Variants in STXBP4 observed in about 807,000 individuals in gnomAD.
STXBP4 encodes syntaxin-binding protein 4.
STXBP4 carries 55 observed loss-of-function variants against 76.1 expected under a neutral mutation model. That is an observed-to-expected ratio of 0.72 (90% CI 0.58 to 0.91). The LOEUF is 0.91. Among genes scored for constraint, STXBP4 ranks in the 40% least tolerant of loss-of-function variants. STXBP4 has a pLI of 0.00. For synonymous variants in STXBP4, 201 were observed against 220.2 expected, an observed-to-expected ratio of 0.91 and a Z score of 0.77; for missense variants, 618 against 636.9, an observed-to-expected ratio of 0.97 and a Z score of 0.32.
chr17:55,094,785 C>T (rs894110277), intron 16 of STXBP4, among the ~76,000 whole-genome samples: 1 of 152,108 alleles, frequency 6.6e-6, no homozygotes, highest in African/African-American at 2.4e-5. Context: ...TACATAGCAG[C>T]AATCTACTAA....
chr17:55,210,160 C>T, the STXBP4 span, among the ~76,000 whole-genome samples: 1 of 152,224 alleles, frequency 6.6e-6, no homozygotes, highest in African/African-American at 2.4e-5. Context: ...GGAATATTCA[C>T]TTGTTCCCAA....
intron 16 of STXBP4, among the ~76,000 whole-genome samples, chr17:55,123,709 G>A (rs1167630905): frequency 6.6e-6 from 1 of 151,920 alleles, no homozygotes; most frequent in Non-Finnish European, 1.5e-5. Context: ...GACCATCCTG[G>A]CTAAGACAGT....
Position 54,986,244 on chromosome 17 carries a change from G to A in STXBP4, c.25G>A (p.Val9Ile). The change falls in exon 3 of 18, where the codon GTA becomes ATA. Residue 9 changes from valine (V) to isoleucine (I), a missense_variant. By Grantham distance (29) the Val-to-Ile change is conservative. Transcript: ENST00000376352. MNKNTSTV[V>I]SPSLLEKDPA... ...CATGAATAAAAATACATCTACTGTA[G>A]TATCACCCAGTCTACTTGAAAAGTA... 1 of 1,601,578 alleles carries A rather than the reference G, an allele frequency of 6.2e-7. No individual in the cohort carries two copies. Among genetic ancestry groups the A allele is most frequent in the Non-Finnish European group, 8.5e-7 (1 of 1,174,310 alleles).
intron 10 of STXBP4, among the ~76,000 whole-genome samples, chr17:55,035,678 A>T (rs1486904994): frequency 6.6e-6 from 1 of 151,918 alleles, no homozygotes; most frequent in Non-Finnish European, 1.5e-5. Flanking sequence ...ACTTTTGATC[A>T]ATCATTTTTA....
intron 4 of STXBP4, among the ~76,000 whole-genome samples, chr17:54,998,125 T>A (rs942986728): frequency 1.3e-5 from 2 of 152,182 alleles, no homozygotes. Flanking sequence ...TAATAATACC[T>A]GTTGTTATTT....
At chr17:55,047,630 C>T (rs926508399) in intron 12 of STXBP4, among the ~76,000 whole-genome samples, 7 of 151,714 alleles carry the variant, frequency 4.6e-5, no homozygotes, top group African/African-American at 1.7e-4. Flanking sequence ...TTTGAGGTAG[C>T]TCACTATAAA....
intron 11 of STXBP4, chr17:55,043,782 C>A: frequency 1.4e-6 from 1 of 729,996 alleles, no homozygotes; most frequent in African/African-American, 1.8e-5. Context: ...GAAAAAAACA[C>A]ACATATCCCA....
chr17:55,126,236 C>G (rs1342816483), intron 16 of STXBP4, among the ~76,000 whole-genome samples: 1 of 152,050 alleles, frequency 6.6e-6, no homozygotes, highest in Non-Finnish European at 1.5e-5. Context: ...AACTCATTCT[C>G]AAGAGAAAAG....
chr17:55,110,996 G>A (rs1277269358), intron 16 of STXBP4, among the ~76,000 whole-genome samples: 1 of 152,202 alleles, frequency 6.6e-6, no homozygotes, highest in Non-Finnish European at 1.5e-5. Flanking sequence ...GCACTAGGGT[G>A]TAAGGTAAAG....
chr17:55,056,488 T>C (rs1399247271), intron 12 of STXBP4, among the ~76,000 whole-genome samples: 2 of 152,218 alleles, frequency 1.3e-5, no homozygotes, highest in Non-Finnish European at 2.9e-5. Context: ...TTTCTTTTAA[T>C]GTTTACATCC....
chr17:55,021,062 A>G (rs190567287), intron 8 of STXBP4, among the ~76,000 whole-genome samples: 1 of 152,200 alleles, frequency 6.6e-6, no homozygotes, highest in East Asian at 1.9e-4. Flanking sequence ...CCCAGACCTA[A>G]GGAAGACATA....
chr17:55,054,011 A>T (rs2078893606), intron 12 of STXBP4, among the ~76,000 whole-genome samples: 1 of 152,160 alleles, frequency 6.6e-6, no homozygotes, highest in Non-Finnish European at 1.5e-5. Flanking sequence ...TTCTAGCAGT[A>T]CCTACTTTTT....
In STXBP4 at chr17:55,159,172, G is replaced by T. The variant is rs150789411; in HGVS notation, c.1548-625G>T. On this transcript the variant is annotated intron_variant, in intron 17 of 17. Transcript: ENST00000376352. ...AGGCACGAGAATTCCTTGAACCCCA[G>T]GGGACAGAGGTTACAGTGATCTGAG... is the stretch of plus-strand genomic sequence containing the variant. 4.5e-3 allele frequency among the ~76,000 whole-genome samples: 690 copies of T among 152,298 alleles called. 6 individuals carry two copies. Among genetic ancestry groups the T allele is most frequent in the African/African-American group, 0.016 (653 of 41,574 alleles).
rs1598363339 is a variant in STXBP4 at position 55,171,055 on chromosome 17, T to G, written c.*11144T>G. Reference sequence around the variant, plus strand: ...TTTATCTTGCCATTGTCAAAGATCCTGGACCTATTTTTTTCTGCCTTGAAA... The same window carrying G: ...TTTATCTTGCCATTGTCAAAGATCCGGGACCTATTTTTTTCTGCCTTGAAA... On this transcript the variant is annotated 3_prime_UTR_variant, in exon 18 of 18. Transcript: ENST00000376352. 6.6e-6 allele frequency: 1 copy of G among 152,234 alleles called. No homozygotes were observed. The highest frequency in any genetic ancestry group is 1.5e-5 in the Non-Finnish European group (1 of 68,042). 9.4% of individuals were successfully genotyped at this position (152,234 alleles called of 1,614,324 possible). A position where few individuals can be genotyped will look rare whatever the true frequency, so the allele number is the denominator to read the frequency against.
chr17:55,193,665 C>T, the STXBP4 span, among the ~76,000 whole-genome samples: 1 of 151,814 alleles, frequency 6.6e-6, no homozygotes, highest in Admixed American at 6.6e-5. Flanking sequence ...CAAAACAAAA[C>T]AAAAACCCCT....
chr17:55,198,325 T>G, the STXBP4 span, among the ~76,000 whole-genome samples: 1 of 152,202 alleles, frequency 6.6e-6, no homozygotes, highest in Admixed American at 6.5e-5. Flanking sequence ...GTTTTCCTTT[T>G]GATTTACTTC....
chr17:54,982,632 GGTGA>G (rs1400520434), intron 1 of STXBP4, among the ~76,000 whole-genome samples: 1 of 150,792 alleles, frequency 6.6e-6, no homozygotes, highest in Non-Finnish European at 1.5e-5. Context: ...GTGTGAGTGT[GGTGA>G]GTATGTGTAT....
In STXBP4 at chr17:55,078,150, A is replaced by G. The variant is rs760960459; in HGVS notation, c.1261A>G (p.Lys421Glu). ...CQLRKSEMAR[K>E]TFEASTEKLL... Reference sequence around the variant, plus strand: ...ATTACGAAAATCAGAAATGGCTCGAAAAACTTTTGAGGCATCCACTGAAAA... The same window carrying G: ...ATTACGAAAATCAGAAATGGCTCGAGAAACTTTTGAGGCATCCACTGAAAA... Residue 421 changes from lysine (K) to glutamate (E), a missense_variant, in exon 14 of 18, where the codon AAA (lysine) becomes GAA (glutamate). By Grantham distance (56) the Lys-to-Glu change is moderately conservative (BLOSUM62 1). Transcript: ENST00000376352. The G allele has an allele frequency of 3.7e-6, 6 of 1,612,360 alleles. No individual in the cohort carries two copies. The highest frequency in any genetic ancestry group is 5.1e-6 in the Non-Finnish European group (6 of 1,179,202).
At chr17:55,105,270 A>G (rs2079617505) in intron 16 of STXBP4, among the ~76,000 whole-genome samples, 1 of 151,858 alleles carries the variant, frequency 6.6e-6, no homozygotes, top group East Asian at 1.9e-4. Context: ...AGTGCTATAA[A>G]TTTTCCTCTA....
Sources: allele counts gnomAD v4.1 joint callset (sites outside exome capture counted in the v4.1 genomes callset), GRCh38; gene constraint gnomAD v4.1.1; transcripts MANE v1.5; gene names NCBI Gene and HGNC (gene_info 2026-07-23, HGNC 2026-07-21).